Variants in SIRT4 observed in about 807,000 individuals in gnomAD.
SIRT4 encodes NAD-dependent protein lipoamidase sirtuin-4, mitochondrial.
A neutral mutation model predicts 26.1 loss-of-function variants in SIRT4; 23 were observed. That is an observed-to-expected ratio of 0.88 (90% CI 0.63 to 1.25). The LOEUF (loss-of-function observed/expected upper bound fraction) is 1.25, where lower values mean the gene tolerates loss of function less well. SIRT4 is among the 50% of genes most tolerant of loss of function. The pLI is 0.00. For missense variants in SIRT4, 361 were observed against 405.4 expected (o/e 0.89, Z 0.94); for synonymous variants, 155 against 158.4 (o/e 0.98, Z 0.16).
chr12:120,311,697 T>C (rs1331175086), intron 2 of SIRT4, among the ~76,000 whole-genome samples: 1 of 121,086 alleles, frequency 8.3e-6, no homozygotes, highest in African/African-American at 3.3e-5. Flanking sequence ...ATCATGCCAT[T>C]GCACTCCAAC....
upstream of SIRT4, among the ~76,000 whole-genome samples, chr12:120,297,340 A>AAAAAAAG (rs1555327923): frequency 8.8e-6 from 1 of 114,096 alleles, no homozygotes; most frequent in African/African-American, 3.1e-5. Flanking sequence ...AAAAAAAAAA[A>AAAAAAAG]AGAGAGAGAG....
At chr12:120,293,400 G>C in the SIRT4 span, among the ~76,000 whole-genome samples, 1 of 152,112 alleles carries the variant, frequency 6.6e-6, no homozygotes, top group African/African-American at 2.4e-5. Flanking sequence ...GCATATCGTT[G>C]CTGATTTCAC....
At chr12:120,304,891 C>T (rs183816612) in intron 2 of SIRT4, among the ~76,000 whole-genome samples, 12 of 139,974 alleles carry the variant, frequency 8.6e-5, no homozygotes, top group African/African-American at 2.7e-4. Flanking sequence ...TGGTGGCTCA[C>T]GCCTGTAATC....
intron 2 of SIRT4, among the ~76,000 whole-genome samples, chr12:120,309,176 C>G (rs916183061): frequency 4.6e-5 from 7 of 151,964 alleles, no homozygotes; most frequent in Non-Finnish European, 7.4e-5. Context: ...GAGTGAAACT[C>G]TGTCTCAAAA....
the SIRT4 span, among the ~76,000 whole-genome samples, chr12:120,296,534 CAT>C: frequency 7.7e-6 from 1 of 129,796 alleles, no homozygotes; most frequent in East Asian, 2.3e-4. Flanking sequence ...TTTTTTGAGA[CAT>C]GTTCTCAGTC....
At chr12:120,305,408 G>A (rs1288218991) in intron 2 of SIRT4, among the ~76,000 whole-genome samples, 1 of 151,972 alleles carries the variant, frequency 6.6e-6, no homozygotes, top group African/African-American at 2.4e-5. Context: ...ACGCCACCGT[G>A]CCCAGCTAAT....
Position 120,312,571 on chromosome 12 carries a change from GTCTT to G in SIRT4, c.617_620del (p.Phe206SerfsTer21), listed in dbSNP as rs1873027549. ...CCATGGCCTGGCTCCTGATGGTGAC[GTCTT>G]TCTCTCAGAGGAGCAAGTCCGGAGC... On this transcript the variant is annotated frameshift_variant, in exon 3 of 4. Transcript: ENST00000202967. LOFTEE classifies it high-confidence loss of function. The G allele has an allele frequency of 1.2e-6, 2 of 1,614,180 alleles. No individual in the cohort carries two copies. Among genetic ancestry groups the G allele is most frequent in the Admixed American group, 1.7e-5 (1 of 59,998 alleles).
At chr12:120,294,380 C>T in the SIRT4 span, among the ~76,000 whole-genome samples, 1 of 152,018 alleles carries the variant, frequency 6.6e-6, no homozygotes, top group South Asian at 2.1e-4. Flanking sequence ...CAACCTCCGC[C>T]TCCCAGGTTC....
At chr12:120,310,819 T>G (rs1326641335) in intron 2 of SIRT4, among the ~76,000 whole-genome samples, 3 of 150,392 alleles carry the variant, frequency 2.0e-5, no homozygotes, top group African/African-American at 7.3e-5. Context: ...CACTGCAAGC[T>G]CCGCCTCCCG....
chr12:120,303,128 GA>G (rs1872606847), intron 1 of SIRT4, among the ~76,000 whole-genome samples: 1 of 151,760 alleles, frequency 6.6e-6, no homozygotes, highest in South Asian at 2.1e-4. Flanking sequence ...AGGGGGAAAT[GA>G]AAAAATAAAA....
At chr12:120,305,966 C>T (rs1035655256) in intron 2 of SIRT4, among the ~76,000 whole-genome samples, 45 of 148,088 alleles carry the variant, frequency 3.0e-4, no homozygotes, top group South Asian at 2.1e-4. Context: ...GAGCCGAGAT[C>T]GCGCCACTGC....
chr12:120,301,487 A>G (rs1872544700), upstream of SIRT4, among the ~76,000 whole-genome samples: 1 of 152,214 alleles, frequency 6.6e-6, no homozygotes, highest in Admixed American at 6.6e-5. Flanking sequence ...AAAGGATCAC[A>G]AACTCTGATG....
At chr12:120,303,020 G>A (rs1332081984) in intron 1 of SIRT4, among the ~76,000 whole-genome samples, 1 of 151,826 alleles carries the variant, frequency 6.6e-6, no homozygotes, top group Non-Finnish European at 1.5e-5. Context: ...ACCGCACCCG[G>A]CCCTCTATTG....
intron 2 of SIRT4, among the ~76,000 whole-genome samples, chr12:120,309,400 C>T (rs552035843): frequency 1.3e-5 from 2 of 150,084 alleles, no homozygotes; most frequent in South Asian, 2.1e-4. Flanking sequence ...TCACAGGGGC[C>T]TTTTTTTCTT....
chr12:120,293,247 C>A, the SIRT4 span: 7 of 152,280 alleles, frequency 4.6e-5, no homozygotes, highest in African/African-American at 1.4e-4. Context: ...TAATTTGTTA[C>A]GCCCCCTGCT....
At chr12:120,302,714 CTTTT>C (rs1324529998) in intron 1 of SIRT4, among the ~76,000 whole-genome samples, 1 of 147,414 alleles carries the variant, frequency 6.8e-6, no homozygotes, top group Non-Finnish European at 1.5e-5. Flanking sequence ...AAAGTTTTTT[CTTTT>C]TCTTTTTTTT....
Position 120,312,727 on chromosome 12 carries a change from T to A in SIRT4, c.769T>A (p.Leu257Met), listed in dbSNP as rs199707524. Residue 257 changes from leucine (L) to methionine (M), a missense_variant, in exon 3 of 4, where the codon TTG becomes ATG. Coordinates refer to ENST00000202967, the MANE Select transcript of SIRT4 (RefSeq NM_012240.3). ...GCGTGTAAAAGAAGCCGACTCCCTC[T>A]TGGTGGTGGGATCATCCTTGCAGGT... Reference protein sequence around the residue: ...HKRVKEADSLLVVGSSLQVYS... With the variant: ...HKRVKEADSLMVVGSSLQVYS... 5.2e-5 allele frequency: 84 copies of A among 1,613,758 alleles called. No homozygotes were observed. In the Middle Eastern group the frequency reaches 6.6e-4, roughly 13 times the overall value.
intron 2 of SIRT4, among the ~76,000 whole-genome samples, chr12:120,306,843 C>T (rs1872761986): frequency 6.6e-6 from 1 of 152,104 alleles, no homozygotes; most frequent in Non-Finnish European, 1.5e-5. Context: ...CGAACGTGGC[C>T]TTTAGCATGT....
At position 120,303,493 on chromosome 12, in the gene SIRT4, A is replaced by C; in HGVS notation, c.-1-68A>C. Reference sequence around the variant, plus strand: ...CTGTCTCAAAAAACAAAACGAAAACAAACAAACAAAAAATGAGAAAAAAAA... The same window carrying C: ...CTGTCTCAAAAAACAAAACGAAAACCAACAAACAAAAAATGAGAAAAAAAA... On this transcript the variant is annotated intron_variant, in intron 1 of 3. Coordinates refer to ENST00000202967, the MANE Select transcript of SIRT4 (RefSeq NM_012240.3). 4 of 1,511,122 alleles carry C rather than the reference A, an allele frequency of 2.6e-6. No individual in the cohort carries two copies. In the South Asian group the frequency reaches 5.4e-5, roughly 21 times the overall value. The allele number at this position is 1,511,122 out of a possible 1,614,324, so 93.6% of individuals were successfully genotyped here. A position where few individuals can be genotyped will look rare whatever the true frequency, so the allele number is the denominator to read the frequency against.
Sources: gnomAD v4.1 joint callset for allele counts (sites outside exome capture counted in the v4.1 genomes callset) on GRCh38, gnomAD v4.1.1 for gene constraint, MANE v1.5 for transcripts, NCBI Gene and HGNC (gene_info 2026-07-23, HGNC 2026-07-21) for gene names.